The following ELMO1 variants were observed in gnomAD, a reference collection of about 807,000 sequenced individuals.
The protein encoded by ELMO1 is engulfment and cell motility protein 1.
ELMO1 carries 26 observed loss-of-function variants against 98.9 expected under a neutral mutation model. That is an observed-to-expected ratio of 0.26 (90% CI 0.19 to 0.36). ELMO1 has a LOEUF of 0.36. Ranked by LOEUF, ELMO1 falls within the 10% of genes least tolerant of loss-of-function variation. The pLI, the probability that ELMO1 is intolerant of heterozygous loss-of-function variation, is 1.00. For synonymous variants in ELMO1, 346 were observed against 346.0 expected, an observed-to-expected ratio of 1.00 and a Z score of 0.00; for missense variants, 627 against 935.2, an observed-to-expected ratio of 0.67 and a Z score of 4.30.
intron 15 of ELMO1, among the ~76,000 whole-genome samples, chr7:37,047,996 A>G (rs1795897714): frequency 1.3e-5 from 2 of 152,142 alleles, no homozygotes; most frequent in South Asian, 4.1e-4. Flanking sequence ...AAATCATTCC[A>G]CTCTTATCAT....
chr7:37,413,083 T>C (rs1007917405), intron 1 of ELMO1, among the ~76,000 whole-genome samples: 2 of 152,232 alleles, frequency 1.3e-5, no homozygotes, highest in Non-Finnish European at 2.9e-5. Context: ...TGTGGTGATT[T>C]GTTAAACAAT....
intron 7 of ELMO1, 73 bp from the exon 8 acceptor site, chr7:37,233,267 G>C (rs1794282003): frequency 3.7e-6 from 5 of 1,345,762 alleles, no homozygotes; most frequent in Admixed American, 2.3e-5. Flanking sequence ...AGAAAGTTCT[G>C]GGAAAGTGAA....
At chr7:36,889,508 C>G (rs1805367383) in intron 17 of ELMO1, among the ~76,000 whole-genome samples, 1 of 152,152 alleles carries the variant, frequency 6.6e-6, no homozygotes, top group Non-Finnish European at 1.5e-5. Context: ...AGGCACGGTA[C>G]CAGAGGATGG....
intron 15 of ELMO1, among the ~76,000 whole-genome samples, chr7:37,055,515 C>T (rs996509806): frequency 6.6e-6 from 1 of 152,158 alleles, no homozygotes; most frequent in Non-Finnish European, 1.5e-5. Flanking sequence ...ATTCACCTGC[C>T]CAAATATCCT....
At chr7:37,155,550 A>C (rs563675937) in intron 13 of ELMO1, among the ~76,000 whole-genome samples, 8 of 151,662 alleles carry the variant, frequency 5.3e-5, no homozygotes, top group African/African-American at 1.9e-4. Context: ...CAGACTTTAA[A>C]CCAACAAAGA....
chr7:37,032,856 T>A lies in ELMO1; in HGVS notation c.1301-19421A>T, dbSNP rs560844058. Among the ~76,000 whole-genome samples, 4 of 152,182 alleles carry A rather than the reference T, an allele frequency of 2.6e-5. No individual in the cohort carries two copies. In the East Asian group the frequency reaches 7.7e-4, roughly 29 times the overall value. ...GACTCTGACCAGGAGAGCAACAAGATAAAGTGCAGTGAGTTATACACCACA... is the reference window on the plus strand; with the variant it reads ...GACTCTGACCAGGAGAGCAACAAGAAAAAGTGCAGTGAGTTATACACCACA... On this transcript the variant is annotated intron_variant, in intron 15 of 21. Coordinates refer to ENST00000310758, the MANE Select transcript of ELMO1 (RefSeq NM_014800.11).
intron 13 of ELMO1, among the ~76,000 whole-genome samples, chr7:37,172,952 A>G (rs186947228): frequency 7.2e-5 from 11 of 152,302 alleles, no homozygotes; most frequent in Admixed American, 5.9e-4. Context: ...TTTACTGTGC[A>G]AGGAGTAGAA....
chr7:36,985,246 G>T, intron 16 of ELMO1: 2 of 361,894 alleles, frequency 5.5e-6, no homozygotes, highest in Non-Finnish European at 7.7e-6. Flanking sequence ...TCAGGGGTTT[G>T]AAAGGATGCA....
intron 1 of ELMO1, among the ~76,000 whole-genome samples, chr7:37,406,485 A>G (rs1364087247): frequency 6.6e-6 from 1 of 152,070 alleles, no homozygotes; most frequent in Non-Finnish European, 1.5e-5. Context: ...GCTAGAGTGC[A>G]GTGGCGCGAT....
intron 13 of ELMO1, among the ~76,000 whole-genome samples, chr7:37,191,188 CAAAAAAA>C (rs70975003): frequency 1.1e-5 from 1 of 94,122 alleles, no homozygotes; most frequent in Non-Finnish European, 2.0e-5. Flanking sequence ...GACTCTGTCT[CAAAAAAA>C]AAAAAAAAAA....
At chr7:37,100,256 T>C (rs543198581) in intron 14 of ELMO1, among the ~76,000 whole-genome samples, 3 of 152,354 alleles carry the variant, frequency 2.0e-5, no homozygotes, top group African/African-American at 7.2e-5. Context: ...AGCTATAAGG[T>C]TCTATGTCAT....
intron 15 of ELMO1, among the ~76,000 whole-genome samples, chr7:37,048,064 C>T (rs1305061054): frequency 6.6e-6 from 1 of 152,198 alleles, no homozygotes; most frequent in African/African-American, 2.4e-5. Flanking sequence ...TACAACAAAA[C>T]AGTATTGATT....
intron 1 of ELMO1, among the ~76,000 whole-genome samples, chr7:37,416,582 G>C (rs1382340520): frequency 6.6e-6 from 1 of 152,100 alleles, no homozygotes; most frequent in African/African-American, 2.4e-5. Flanking sequence ...TTAGATTCCC[G>C]CCCTAAAAGG....
intron 13 of ELMO1, among the ~76,000 whole-genome samples, chr7:37,206,092 A>G (rs1792599548): frequency 6.6e-6 from 1 of 152,094 alleles, no homozygotes; most frequent in African/African-American, 2.4e-5. Flanking sequence ...TTCTGCTATC[A>G]CCATCTCTCA....
At chr7:37,233,752 G>T (rs377085342) in intron 7 of ELMO1, among the ~76,000 whole-genome samples, 3 of 152,250 alleles carry the variant, frequency 2.0e-5, no homozygotes, top group Middle Eastern at 6.8e-3. Context: ...ACATCCCTCT[G>T]TGTGGACACA....
chr7:36,955,791 C>T (rs532312536), intron 16 of ELMO1, among the ~76,000 whole-genome samples: 1 of 152,282 alleles, frequency 6.6e-6, no homozygotes, highest in Non-Finnish European at 1.5e-5. Flanking sequence ...TCCCTGACAC[C>T]CTCTAGCCCA....
At chr7:37,235,219 A>G (rs1794395695) in intron 7 of ELMO1, among the ~76,000 whole-genome samples, 1 of 152,216 alleles carries the variant, frequency 6.6e-6, no homozygotes, top group South Asian at 2.1e-4. Flanking sequence ...AAGAAAATCC[A>G]AATATCAGAT....
chr7:36,974,197 G>C (rs1195178052), intron 16 of ELMO1, among the ~76,000 whole-genome samples: 1 of 152,270 alleles, frequency 6.6e-6, no homozygotes, highest in Non-Finnish European at 1.5e-5. Context: ...AAGCCAGCTG[G>C]GCTCCTGAGT....
In ELMO1 at chr7:37,228,774, G is replaced by A. The variant is rs147458018; in HGVS notation, c.550-3744C>T. On this transcript the variant is annotated intron_variant, in intron 8 of 21. Coordinates refer to ENST00000310758, the MANE Select transcript of ELMO1 (RefSeq NM_014800.11). Reference sequence around the variant, plus strand: ...TCCCAGAACTTTGGGAGGCCGAGGCGGGTGGATCACGAGGTCAGGAGATCG... The same window carrying A: ...TCCCAGAACTTTGGGAGGCCGAGGCAGGTGGATCACGAGGTCAGGAGATCG... Among the ~76,000 whole-genome samples, 1,508 of 152,182 alleles carry A rather than the reference G, an allele frequency of 9.9e-3. 32 individuals are homozygous for A. Among genetic ancestry groups the A allele is most frequent in the African/African-American group, 0.035 (1,440 of 41,506 alleles).
Sources: allele counts gnomAD v4.1 joint callset (sites outside exome capture counted in the v4.1 genomes callset), GRCh38; gene constraint gnomAD v4.1.1; transcripts MANE v1.5; gene names NCBI Gene and HGNC (gene_info 2026-07-23, HGNC 2026-07-21).